Variants in CCDC85A observed in about 807,000 individuals in gnomAD.
CCDC85A encodes coiled-coil domain-containing protein 85A.
A neutral mutation model predicts 50.2 loss-of-function variants in CCDC85A; 38 were observed. The ratio of observed to expected loss-of-function variants is 0.76; its 90% CI spans 0.58 to 0.99. The LOEUF (loss-of-function observed/expected upper bound fraction) is 0.99. CCDC85A is among the 50% of genes least tolerant of loss of function. The probability of loss-of-function intolerance (pLI) is 0.00; values close to 1 mark genes in which losing one functional copy is unlikely to be tolerated. For missense variants in CCDC85A, 820 were observed against 742.0 expected, an observed-to-expected ratio of 1.11 and a Z score of -1.22; for synonymous variants, 366 against 301.4, an observed-to-expected ratio of 1.21 and a Z score of -2.22.
rs368722854 is a variant in CCDC85A, at chr2:56,193,422, G to A, written c.1222G>A (p.Val408Ile). The A allele has an allele frequency of 1.5e-5, 24 of 1,607,902 alleles. No homozygotes were observed. The East Asian group carries it at 2.5e-4, about 16-fold the overall frequency. Residue 408 changes from valine to isoleucine, a missense_variant, in exon 2 of 6, where the codon GTC (valine) becomes ATC (isoleucine). By Grantham distance (29) the Val-to-Ile change is conservative (BLOSUM62 3). Coordinates refer to ENST00000407595, the MANE Select transcript of CCDC85A (RefSeq NM_001080433.2). ...GGACGGGTCACCCCATCACCGGAAT[G>A]TCTACAGTGGCATGAACGGTGGGTC... is the stretch of plus-strand genomic sequence containing the variant. ...QEDGSPHHRNVYSGMNESTLS... is the reference protein window; with the variant it reads ...QEDGSPHHRNIYSGMNESTLS...
chr2:56,374,193 A>C (rs1298983937), intron 4 of CCDC85A, among the ~76,000 whole-genome samples: 2 of 152,206 alleles, frequency 1.3e-5, no homozygotes, highest in African/African-American at 2.4e-5. Flanking sequence ...AGCCACGTAC[A>C]TGCCATATTC....
chr2:56,223,270 A>C (rs142304338), intron 2 of CCDC85A, among the ~76,000 whole-genome samples: 16 of 152,264 alleles, frequency 1.1e-4, no homozygotes, highest in Middle Eastern at 3.4e-3. Flanking sequence ...TTTTCTGTAA[A>C]GGGCCGGATA....
In CCDC85A at chr2:56,192,953, C is replaced by G; in HGVS notation, c.753C>G (p.His251Gln). 6.2e-7 allele frequency: 1 copy of G among 1,612,032 alleles called. No homozygotes were observed. Among genetic ancestry groups the G allele is most frequent in the Non-Finnish European group, 8.5e-7 (1 of 1,179,362 alleles). The change falls in exon 2 of 6, where the codon CAC (histidine) becomes CAG (glutamine). Residue 251 changes from histidine to glutamine, a missense_variant. Physicochemically the swap from His to Gln is conservative, Grantham distance 24. Transcript: ENST00000407595. This position sits in a 1 kb window ranked among gnomAD's most constrained non-coding sequence, Gnocchi z 4.7. The part of the protein sequence containing the change: ...RSEGSPEHSK[H>Q]RSASPEHPQK... ...AGGGCAGCCCGGAGCACTCCAAGCA[C>G]AGGAGCGCCAGCCCCGAGCATCCAC...
intron 2 of CCDC85A, among the ~76,000 whole-genome samples, chr2:56,263,953 A>G (rs1327989014): frequency 1.3e-5 from 2 of 152,208 alleles, no homozygotes; most frequent in East Asian, 3.8e-4. Flanking sequence ...AAGAAGAAGA[A>G]TTGTCTTGGG....
intron 2 of CCDC85A, among the ~76,000 whole-genome samples, chr2:56,200,273 G>A (rs751548006): frequency 6.6e-6 from 1 of 152,198 alleles, no homozygotes; most frequent in African/African-American, 2.4e-5. Context: ...GTATAACCAA[G>A]TTGCCCTTGA....
At chr2:56,215,790 T>C (rs1421109945) in intron 2 of CCDC85A, among the ~76,000 whole-genome samples, 2 of 151,940 alleles carry the variant, frequency 1.3e-5, no homozygotes, top group Non-Finnish European at 2.9e-5. Flanking sequence ...CTTGGGTCGG[T>C]AAATTATGGC....
chr2:56,358,529 A>G (rs1675351293), intron 3 of CCDC85A, among the ~76,000 whole-genome samples: 1 of 152,348 alleles, frequency 6.6e-6, no homozygotes, highest in South Asian at 2.1e-4. Flanking sequence ...AGAGCCAGGT[A>G]GTAAATATTT....
chr2:56,203,065 G>A (rs150922913), intron 2 of CCDC85A, among the ~76,000 whole-genome samples: 1 of 152,322 alleles, frequency 6.6e-6, no homozygotes, highest in Non-Finnish European at 1.5e-5. Context: ...GTTTGGTTGT[G>A]TGTGTTGTTA....
At chr2:56,307,191 T>G (rs1446173387) in intron 2 of CCDC85A, among the ~76,000 whole-genome samples, 1 of 152,208 alleles carries the variant, frequency 6.6e-6, no homozygotes, top group Non-Finnish European at 1.5e-5. Context: ...CAAACTCATT[T>G]GTCATTTTAT....
chr2:56,262,006 A>G (rs545843713), intron 2 of CCDC85A, among the ~76,000 whole-genome samples: 1 of 152,322 alleles, frequency 6.6e-6, no homozygotes, highest in African/African-American at 2.4e-5. Context: ...TCATTCATTC[A>G]TTCATCCAAT....
At chr2:56,338,035 A>C (rs773348490) in intron 2 of CCDC85A, among the ~76,000 whole-genome samples, 6 of 152,112 alleles carry the variant, frequency 3.9e-5, no homozygotes, top group Non-Finnish European at 8.8e-5. Context: ...CGCCTGCCTC[A>C]GCCTCCCAAA....
intron 2 of CCDC85A, among the ~76,000 whole-genome samples, chr2:56,335,072 G>A (rs573872581): frequency 5.9e-5 from 9 of 152,072 alleles, no homozygotes; most frequent in Non-Finnish European, 1.3e-4. Flanking sequence ...AAATATCCAG[G>A]CAAATCTGAA....
intron 2 of CCDC85A, among the ~76,000 whole-genome samples, chr2:56,198,233 T>C (rs1299079730): frequency 6.6e-6 from 1 of 152,246 alleles, no homozygotes; most frequent in African/African-American, 2.4e-5. Context: ...ATAATTACTC[T>C]CATAAATCTT....
chr2:56,302,415 TGGAATTGAGC>T (rs1553408244), intron 2 of CCDC85A, among the ~76,000 whole-genome samples: 1 of 152,148 alleles, frequency 6.6e-6, no homozygotes, highest in Non-Finnish European at 1.5e-5. Context: ...ATAAATTTAC[TGGAATTGAGC>T]TCAAGGGGAA....
At chr2:56,335,599 C>T (rs923413132) in intron 2 of CCDC85A, among the ~76,000 whole-genome samples, 2 of 135,272 alleles carry the variant, frequency 1.5e-5, no homozygotes, top group East Asian at 4.7e-4. Context: ...GGGGGCCAAA[C>T]TCATCTTTTT....
intron 2 of CCDC85A, among the ~76,000 whole-genome samples, chr2:56,277,931 C>T (rs961157916): frequency 1.1e-4 from 17 of 152,170 alleles, no homozygotes; most frequent in African/African-American, 4.1e-4. Flanking sequence ...AACAGAGCAG[C>T]ATGCATGGAA....
intron 2 of CCDC85A, among the ~76,000 whole-genome samples, chr2:56,326,020 A>G (rs988333640): frequency 1.3e-5 from 2 of 152,144 alleles, no homozygotes; most frequent in Non-Finnish European, 2.9e-5. Flanking sequence ...TATAATGATA[A>G]GGAAGAGGGT....
chr2:56,235,490 T>TAA (rs375013488), intron 2 of CCDC85A, among the ~76,000 whole-genome samples: 3 of 148,028 alleles, frequency 2.0e-5, no homozygotes, highest in Non-Finnish European at 4.5e-5. Context: ...GGGAAAAGAC[T>TAA]AAAAAAAAAA....
Position 56,350,962 on chromosome 2 carries a change from A to G in CCDC85A, c.1317+8007A>G, listed in dbSNP as rs542324981. 3.3e-3 allele frequency among the ~76,000 whole-genome samples: 470 copies of G among 144,100 alleles called. 1 individual carries two copies. The highest frequency in any genetic ancestry group is 0.012 in the African/African-American group (457 of 38,854). The allele number at this position is 144,100 out of a possible 152,430, so 94.5% of individuals were successfully genotyped here. A position where few individuals can be genotyped will look rare whatever the true frequency, so the allele number is the denominator to read the frequency against. ...GGTGTGCTGCACCCATTAACTCGTC[A>G]TTTAGCATTAGGTATATCTCCTAAA... On this transcript the variant is annotated intron_variant, in intron 3 of 5. Coordinates refer to ENST00000407595, the MANE Select transcript of CCDC85A (RefSeq NM_001080433.2).
Sources: allele counts gnomAD v4.1 joint callset (sites outside exome capture counted in the v4.1 genomes callset), GRCh38; gene constraint gnomAD v4.1.1; non-coding constraint Gnocchi (gnomAD v3.1); transcripts MANE v1.5; gene names NCBI Gene and HGNC (gene_info 2026-07-23, HGNC 2026-07-21).